ZNF474: variants seen among roughly 807,000 people sequenced by gnomAD.
ZNF474 encodes 4933409D10Rik.
For synonymous variants in ZNF474, 192 were observed against 162.2 expected (o/e 1.18, Z -1.39); for missense variants, 511 against 433.8 (o/e 1.18, Z -1.58).
chr5:122,145,214 A>G (rs543807665), intron 1 of ZNF474, among the ~76,000 whole-genome samples: 1 of 152,362 alleles, frequency 6.6e-6, no homozygotes, highest in African/African-American at 2.4e-5. Context: ...TAATCAGTCT[A>G]GAAATGCCAA....
At chr5:122,147,204 G>A (rs377478917) in intron 1 of ZNF474, among the ~76,000 whole-genome samples, 2 of 152,228 alleles carry the variant, frequency 1.3e-5, no homozygotes, top group South Asian at 2.1e-4. Context: ...AATGGGGTGG[G>A]TGAACAACAT....
intron 1 of ZNF474, among the ~76,000 whole-genome samples, chr5:122,144,647 A>G (rs1755938991): frequency 6.6e-6 from 1 of 152,262 alleles, no homozygotes; most frequent in African/African-American, 2.4e-5. Context: ...AACAATATTG[A>G]AAAAGACATA....
At chr5:122,144,430 C>T (rs1262001512) in intron 1 of ZNF474, among the ~76,000 whole-genome samples, 2 of 152,190 alleles carry the variant, frequency 1.3e-5, no homozygotes, top group East Asian at 1.9e-4. Context: ...AGCTGTTACT[C>T]AGCATCAGCT....
intron 1 of ZNF474, among the ~76,000 whole-genome samples, chr5:122,144,823 G>T (rs1048951705): frequency 2.6e-5 from 4 of 152,056 alleles, no homozygotes; most frequent in Non-Finnish European, 2.9e-5. Flanking sequence ...TATACTGACG[G>T]TTTGTATAAC....
chr5:122,147,289 GT>G (rs1321997055), intron 1 of ZNF474, among the ~76,000 whole-genome samples: 1 of 152,084 alleles, frequency 6.6e-6, no homozygotes, highest in East Asian at 1.9e-4. Context: ...TCTTGTTTAT[GT>G]TTTTGTTCAT....
chr5:122,138,961 G>A (rs1046229605), intron 1 of ZNF474, among the ~76,000 whole-genome samples: 2 of 152,104 alleles, frequency 1.3e-5, no homozygotes, highest in African/African-American at 2.4e-5. Context: ...TTCCATTTTG[G>A]TTCATTTTAA....
intron 1 of ZNF474, among the ~76,000 whole-genome samples, chr5:122,151,083 A>G (rs1416082967): frequency 6.6e-6 from 1 of 151,940 alleles, no homozygotes; most frequent in African/African-American, 2.4e-5. Flanking sequence ...GATAATCCTC[A>G]TAAGATTCAT....
chr5:122,138,943 A>G (rs1755771142), intron 1 of ZNF474, among the ~76,000 whole-genome samples: 1 of 152,222 alleles, frequency 6.6e-6, no homozygotes, highest in Non-Finnish European at 1.5e-5. Context: ...TATTTTGTGA[A>G]AGACTTTTTC....
At chr5:122,140,145 C>A (rs1298275022) in intron 1 of ZNF474, among the ~76,000 whole-genome samples, 1 of 152,148 alleles carries the variant, frequency 6.6e-6, no homozygotes, top group African/African-American at 2.4e-5. Context: ...TTTGTCCCTT[C>A]CAAAATTCAT....
intron 1 of ZNF474, among the ~76,000 whole-genome samples, chr5:122,141,502 T>A (rs1392815393): frequency 3.9e-5 from 6 of 151,992 alleles, no homozygotes; most frequent in Non-Finnish European, 8.8e-5. Context: ...AATGACGGGA[T>A]TTTGTCATGT....
At chr5:122,144,105 C>T (rs1041662471) in intron 1 of ZNF474, among the ~76,000 whole-genome samples, 2 of 151,840 alleles carry the variant, frequency 1.3e-5, no homozygotes, top group Non-Finnish European at 2.9e-5. Context: ...CTTAAGTCAC[C>T]GATTCTGTCT....
At position 122,152,128 on chromosome 5, in the gene ZNF474, G is replaced by C. The variant is rs113839901; in HGVS notation, c.138G>C (p.Glu46Asp). The stretch of plus-strand genomic sequence containing the variant: ...ATTCTAGCCTTTCCCCAGAAACAGA[G>C]AGTGTTAATCCTGGTGAAAATATAA... The part of the protein sequence containing the change: ...DSYSSLSPET[E>D]SVNPGENIKT... Residue 46 changes from glutamate to aspartate, a missense_variant, in exon 2 of 2, where the codon GAG becomes GAC. Transcript: ENST00000296600. 6.2e-7 allele frequency: 1 copy of C among 1,614,178 alleles called. No homozygotes were observed. Among genetic ancestry groups the C allele is most frequent in the South Asian group, 1.1e-5 (1 of 91,082 alleles).
intron 1 of ZNF474, among the ~76,000 whole-genome samples, chr5:122,148,282 A>G (rs925463847): frequency 1.3e-5 from 2 of 152,218 alleles, no homozygotes; most frequent in Admixed American, 6.5e-5. Context: ...CAGCTACCTC[A>G]TCTTTCATAT....
chr5:122,147,405 A>G (rs988045973), intron 1 of ZNF474, among the ~76,000 whole-genome samples: 6 of 152,160 alleles, frequency 3.9e-5, no homozygotes, highest in Non-Finnish European at 8.8e-5. Context: ...TTTAAGTTCT[A>G]GGGTAAATGT....
intron 1 of ZNF474, among the ~76,000 whole-genome samples, chr5:122,137,478 G>A (rs868868583): frequency 0.011 from 849 of 78,182 alleles, no homozygotes; most frequent in African/African-American, 0.033. Context: ...AAAAAAAAAA[G>A]AGTAGTTAAG....
intron 1 of ZNF474, among the ~76,000 whole-genome samples, chr5:122,136,603 G>A (rs1755707800): frequency 6.6e-6 from 1 of 152,122 alleles, no homozygotes; most frequent in South Asian, 2.1e-4. Context: ...CTAGTTCATG[G>A]TCCTTGGAGA....
chr5:122,149,123 A>T (rs1458533924), intron 1 of ZNF474, among the ~76,000 whole-genome samples: 2 of 152,182 alleles, frequency 1.3e-5, no homozygotes, highest in Non-Finnish European at 2.9e-5. Flanking sequence ...ACGTGGGCAT[A>T]AAGATGAGAA....
chr5:122,144,401 C>A (rs927922408), intron 1 of ZNF474, among the ~76,000 whole-genome samples: 1 of 152,142 alleles, frequency 6.6e-6, no homozygotes, highest in African/African-American at 2.4e-5. Flanking sequence ...TAAAGGCTGG[C>A]TCTCTGAGCT....
At chr5:122,133,105 A>G (rs1755617649) in intron 1 of ZNF474, among the ~76,000 whole-genome samples, 1 of 152,226 alleles carries the variant, frequency 6.6e-6, no homozygotes, top group Non-Finnish European at 1.5e-5. Flanking sequence ...TTCAGGAATC[A>G]TAATCCCAGT....
Sources: allele counts gnomAD v4.1 joint callset (sites outside exome capture counted in the v4.1 genomes callset), GRCh38; gene constraint gnomAD v4.1.1; transcripts MANE v1.5; gene names NCBI Gene and HGNC (gene_info 2026-07-23, HGNC 2026-07-21).